ANKRD26: variants seen among roughly 807,000 people sequenced by gnomAD.
ANKRD26 encodes ankyrin repeat domain-containing protein 26.
In ANKRD26, 141 loss-of-function variants were observed where a neutral mutation model predicts 208.7. The ratio of observed to expected loss-of-function variants is 0.68; its 90% CI spans 0.59 to 0.78. The LOEUF is 0.78. Ranked by LOEUF, ANKRD26 falls within the 30% of genes least tolerant of loss-of-function variation. The pLI, the probability that ANKRD26 is intolerant of heterozygous loss-of-function variation, is 0.00. For synonymous variants in ANKRD26, 636 were observed against 660.4 expected (o/e 0.96, Z 0.57); for missense variants, 1,889 against 1,938.7 (o/e 0.97, Z 0.48).
intron 4 of ANKRD26, among the ~76,000 whole-genome samples, chr10:27,089,754 G>A (rs1357156010): frequency 6.6e-6 from 1 of 152,184 alleles, no homozygotes; most frequent in Non-Finnish European, 1.5e-5. Context: ...TCGTGCCCCT[G>A]CACTCCAGCC....
intron 4 of ANKRD26, among the ~76,000 whole-genome samples, chr10:27,089,426 G>T (rs1190671261): frequency 6.6e-6 from 1 of 152,154 alleles, no homozygotes; most frequent in Non-Finnish European, 1.5e-5. Context: ...ATGCATAGGG[G>T]TTATAATTGG....
Position 27,048,891 on chromosome 10 carries a change from T to A in ANKRD26, c.1724A>T (p.Asp575Val). The A allele has an allele frequency of 6.2e-7, 1 of 1,613,106 alleles. No homozygotes were observed. Among genetic ancestry groups the A allele is most frequent in the Non-Finnish European group, 8.5e-7 (1 of 1,179,568 alleles). Reference sequence around the variant, plus strand: ...TTGAATTAATCCATCATCATCATCATCATCTTCAGCATCATCAGTAGCACC... The same window carrying A: ...TTGAATTAATCCATCATCATCATCAACATCTTCAGCATCATCAGTAGCACC... ...HDGATDDAED[D>V]DDDDGLIQKR... Residue 575 changes from aspartate (D) to valine (V), a missense_variant, in exon 17 of 34, where the codon GAT (aspartate) becomes GTT (valine). Coordinates refer to ENST00000376087, the MANE Select transcript of ANKRD26 (RefSeq NM_014915.3).
chr10:27,066,886 C>T (rs1234974621), intron 10 of ANKRD26, among the ~76,000 whole-genome samples: 1 of 151,842 alleles, frequency 6.6e-6, no homozygotes, highest in Non-Finnish European at 1.5e-5. Context: ...CAGCCCACTG[C>T]AACTTCTGTC....
At chr10:27,079,194 T>TTCAC in intron 6 of ANKRD26, 33 bp from the exon 7 acceptor site, 1 of 1,528,318 alleles carries the variant, frequency 6.5e-7, no homozygotes, top group Non-Finnish European at 9.1e-7. Context: ...AATGAGTGAA[T>TTCAC]TCATTTCTTT....
Position 27,005,697 on chromosome 10 carries a change from T to C in ANKRD26, c.5026A>G (p.Ile1676Val), listed in dbSNP as rs777134684. The C allele has an allele frequency of 5.0e-6, 8 of 1,610,534 alleles. No individual in the cohort carries two copies. The East Asian group carries it at 1.6e-4, about 31-fold the overall frequency. Residue 1676 changes from isoleucine to valine, a missense_variant, in exon 34 of 34, where the codon ATA (isoleucine) becomes GTA (valine). By Grantham distance (29) the Ile-to-Val change is conservative. Around this residue, in one of 3 missense-constraint regions of ANKRD26, gnomAD observed 613 missense variants for 648.2 expected, o/e 0.95. Transcript: ENST00000376087. ...TCAGTAGACCCTAGAGGGGAAGCTA[T>C]TGATCCAGATTCCAATTCAGCAGCA... ...EAAAELESGS[I>V]ASPLGSTDES...
rs753924410 is a variant in ANKRD26 at position 27,014,582 on chromosome 10, C to G, written c.4636G>C (p.Asp1546His). 5.9e-5 allele frequency: 94 copies of G among 1,605,468 alleles called. No homozygotes were observed. The highest frequency in any genetic ancestry group is 2.0e-4 in the Admixed American group (12 of 59,672). Residue 1546 changes from aspartate (D) to histidine (H), a missense_variant, in exon 31 of 34, where the codon GAC becomes CAC. By Grantham distance (81) the Asp-to-His change is moderately conservative. Around this residue, in one of 3 missense-constraint regions of ANKRD26, gnomAD observed 613 missense variants for 648.2 expected, o/e 0.95. Transcript: ENST00000376087. Reference protein sequence around the residue: ...ELSKIKTSQEDFNKTELEKYK... With the variant: ...ELSKIKTSQEHFNKTELEKYK... ...TTTTCCAGTTCGGTTTTATTAAAGT[C>G]TTCTTGAGAAGTTTTTATTTTGGAG...
the ANKRD26 span, among the ~76,000 whole-genome samples, chr10:26,962,246 ATAG>A: frequency 1.4e-4 from 22 of 152,172 alleles, no homozygotes; most frequent in African/African-American, 4.6e-4. Flanking sequence ...TCTGGGCAAC[ATAG>A]TGAGATGCCC....
intron 29 of ANKRD26, among the ~76,000 whole-genome samples, chr10:27,020,806 G>A (rs1040483052): frequency 1.3e-5 from 2 of 152,066 alleles, no homozygotes; most frequent in East Asian, 3.9e-4. Flanking sequence ...CTACAGGCGT[G>A]TGCCGCTATG....
At chr10:27,051,181 T>C (rs1336593916) in intron 16 of ANKRD26, 1 of 1,289,914 alleles carries the variant, frequency 7.8e-7, no homozygotes, top group African/African-American at 1.5e-5. Flanking sequence ...ACTTTTGATG[T>C]TCTGTCACCA....
At chr10:26,957,589 T>C in the ANKRD26 span, among the ~76,000 whole-genome samples, 1 of 152,122 alleles carries the variant, frequency 6.6e-6, no homozygotes, top group Non-Finnish European at 1.5e-5. Flanking sequence ...GTTCAGGGTA[T>C]GGTATCTGAC....
chr10:27,045,601 T>G (rs997774948), intron 18 of ANKRD26, among the ~76,000 whole-genome samples: 13 of 152,172 alleles, frequency 8.5e-5, no homozygotes, highest in Non-Finnish European at 1.5e-4. Context: ...CTCCCCAGAA[T>G]CTAAACAACT....
chr10:26,988,536 C>A (rs764385912), downstream of ANKRD26, among the ~76,000 whole-genome samples: 1 of 152,090 alleles, frequency 6.6e-6, no homozygotes, highest in Non-Finnish European at 1.5e-5. Context: ...TTCCACGCAC[C>A]TTTGAGGCAT....
At chr10:27,065,857 T>C (rs867544787) in intron 11 of ANKRD26, among the ~76,000 whole-genome samples, 24 of 132,850 alleles carry the variant, frequency 1.8e-4, no homozygotes, top group African/African-American at 6.4e-4. Flanking sequence ...AAATAATTCT[T>C]TCTTTTTTTT....
chr10:27,051,761 G>T (rs938991398), intron 16 of ANKRD26: 1 of 985,084 alleles, frequency 1.0e-6, no homozygotes, highest in African/African-American at 1.7e-5. Flanking sequence ...CTTTTTCATC[G>T]CAATCAAGTA....
chr10:26,971,193 G>A (rs1478353463), downstream of ANKRD26, among the ~76,000 whole-genome samples: 1 of 151,846 alleles, frequency 6.6e-6, no homozygotes, highest in Non-Finnish European at 1.5e-5. Context: ...AGACCAACCT[G>A]GCCATCATGG....
chr10:27,047,888 C>T (rs1367729516), intron 17 of ANKRD26, among the ~76,000 whole-genome samples: 2 of 151,846 alleles, frequency 1.3e-5, no homozygotes, highest in Non-Finnish European at 2.9e-5. Context: ...GGTTTACAGG[C>T]GCCTGCCACC....
chr10:27,038,618 T>C (rs1459490762), intron 21 of ANKRD26, among the ~76,000 whole-genome samples: 1 of 150,228 alleles, frequency 6.7e-6, no homozygotes, highest in African/African-American at 2.5e-5. Context: ...GCCACTGCAC[T>C]CCAGCCTGGG....
At chr10:26,948,813 C>A in the ANKRD26 span, among the ~76,000 whole-genome samples, 6 of 152,020 alleles carry the variant, frequency 3.9e-5, no homozygotes, top group African/African-American at 1.5e-4. Context: ...CATGGTGAAA[C>A]CCTTTCTCTA....
chr10:27,066,932 G>A (rs745777976), intron 10 of ANKRD26, among the ~76,000 whole-genome samples: 12 of 151,408 alleles, frequency 7.9e-5, no homozygotes, highest in South Asian at 4.2e-4. Context: ...TCAGCCTCCC[G>A]AGTACCTGGG....
Sources: gnomAD v4.1 joint callset for allele counts (sites outside exome capture counted in the v4.1 genomes callset) on GRCh38, gnomAD v4.1.1 for gene constraint, gnomAD v4.1.1 regional missense constraint, MANE v1.5 for transcripts, NCBI Gene and HGNC (gene_info 2026-07-23, HGNC 2026-07-21) for gene names.